CACNA1C: variants seen among roughly 807,000 people sequenced by gnomAD.
The protein encoded by CACNA1C is calcium voltage-gated channel subunit alpha1 C.
In CACNA1C, 30 loss-of-function variants were observed where a neutral mutation model predicts 229.0. That is an observed-to-expected ratio of 0.13 (90% CI 0.10 to 0.18). The LOEUF (loss-of-function observed/expected upper bound fraction) is 0.18, where lower values mean the gene tolerates loss of function less well. CACNA1C is among the 10% of genes least tolerant of loss of function. The probability of loss-of-function intolerance (pLI) is 1.00; values close to 1 mark genes in which losing one functional copy is unlikely to be tolerated. For missense variants in CACNA1C, 1,658 were observed against 2,845.0 expected (o/e 0.58, Z 9.49); for synonymous variants, 1,114 against 1,132.5 (o/e 0.98, Z 0.33).
intron 1 of CACNA1C, chr12:1,997,828 T>C (rs1014861982): frequency 6.4e-6 from 6 of 933,402 alleles, no homozygotes; most frequent in Non-Finnish European, 9.9e-6. Context: ...TTTAATTCTT[T>C]TACTTCTTTT....
chr12:2,269,898 T>C (rs2084088670), intron 3 of CACNA1C: 1 of 152,124 alleles, frequency 6.6e-6, no homozygotes, highest in Non-Finnish European at 1.5e-5. Flanking sequence ...GGAGAAACCA[T>C]AGTCATGGAA....
At chr12:2,317,700 A>T (rs1166391231) in intron 3 of CACNA1C, among the ~76,000 whole-genome samples, 1 of 152,246 alleles carries the variant, frequency 6.6e-6, no homozygotes, top group Non-Finnish European at 1.5e-5. Context: ...AAGGAACTCA[A>T]ATGAATACTT....
In CACNA1C at chr12:2,079,252, A is replaced by G. The variant is rs1035336128; in HGVS notation, c.49+25641A>G. 2.0e-4 allele frequency among the ~76,000 whole-genome samples: 30 copies of G among 152,194 alleles called. 1 individual carries two copies. Among genetic ancestry groups the G allele is most frequent in the Non-Finnish European group, 7.3e-5 (5 of 68,040 alleles). ...TATGTGACAAACCTGCACGTTGTGC[A>G]CATGTACCCTAAAACTTAAAATATA... On this transcript the variant is annotated intron_variant, in intron 1 of 46. Transcript: ENST00000399655.
chr12:2,323,365 T>C (rs1247555894), intron 3 of CACNA1C, among the ~76,000 whole-genome samples: 1 of 152,156 alleles, frequency 6.6e-6, no homozygotes, highest in African/African-American at 2.4e-5. Context: ...CTAGCCTAGA[T>C]ATGCTGGGGT....
chr12:2,597,386 G>A lies in CACNA1C; in HGVS notation c.2853+97G>A. 2.0e-6 allele frequency: 3 copies of A among 1,512,466 alleles called. No homozygotes were observed. The South Asian group carries it at 3.4e-5, about 17-fold the overall frequency. 93.7% of individuals were successfully genotyped at this position (1,512,466 alleles called of 1,614,324 possible). ...GCTAACACACATGCTCCTTCCTGTTGGTGTGGGGTTCACTCTCAGAGCCAC... is the reference window on the plus strand; with the variant it reads ...GCTAACACACATGCTCCTTCCTGTTAGTGTGGGGTTCACTCTCAGAGCCAC... On this transcript the variant is annotated intron_variant, in intron 21 of 46. Transcript: ENST00000399655. This position sits in a 1 kb window ranked among gnomAD's most constrained non-coding sequence, Gnocchi z 4.3.
intron 1 of CACNA1C, among the ~76,000 whole-genome samples, chr12:1,981,736 G>A (rs1472261390): frequency 1.3e-5 from 2 of 152,156 alleles, no homozygotes; most frequent in East Asian, 1.9e-4. Flanking sequence ...AGACATATAT[G>A]CTGCAGTGAG....
chr12:2,491,449 A>AAGG (rs1221672699), intron 6 of CACNA1C, among the ~76,000 whole-genome samples: 1 of 109,554 alleles, frequency 9.1e-6, no homozygotes. Flanking sequence ...GGAGGAGGAA[A>AAGG]AGGAGGAGGA....
chr12:2,625,074 C>A (rs1421001714), intron 29 of CACNA1C, among the ~76,000 whole-genome samples: 4 of 152,146 alleles, frequency 2.6e-5, no homozygotes, highest in Non-Finnish European at 4.4e-5. Context: ...CCCAGCTTTG[C>A]CAGGAGGACC....
intron 1 of CACNA1C, among the ~76,000 whole-genome samples, chr12:2,100,585 A>G (rs1177850694): frequency 9.5e-4 from 133 of 140,498 alleles, no homozygotes; most frequent in African/African-American, 3.3e-3. Context: ...TTTCTACCAA[A>G]AAAAAAAAAA....
rs2061758625 is a variant in CACNA1C, at chr12:2,584,678, C to T, written c.2339+61C>T. 5 of 1,117,450 alleles carry T rather than the reference C, an allele frequency of 4.5e-6. No homozygotes were observed. The East Asian group carries it at 1.2e-4, about 26-fold the overall frequency. The allele number at this position is 1,117,450 out of a possible 1,614,324, so 69.2% of individuals were successfully genotyped here. ...GGGCTCCCATTGTGGAATGTCTTCCCACTGGTGGCAGAGAGAGGCTTGACT... is the reference window on the plus strand; with the variant it reads ...GGGCTCCCATTGTGGAATGTCTTCCTACTGGTGGCAGAGAGAGGCTTGACT... On this transcript the variant is annotated intron_variant, in intron 16 of 46. Coordinates refer to ENST00000399655, the MANE Select transcript of CACNA1C (RefSeq NM_000719.7).
chr12:2,350,426 A>G (rs1198445606), intron 3 of CACNA1C, among the ~76,000 whole-genome samples: 1 of 152,240 alleles, frequency 6.6e-6, no homozygotes, highest in African/African-American at 2.4e-5. Context: ...GCCCAAGCAC[A>G]CACAAATAGT....
chr12:2,462,910 ATTTTT>A (rs147569410), intron 5 of CACNA1C, among the ~76,000 whole-genome samples: 1 of 120,948 alleles, frequency 8.3e-6, no homozygotes. Context: ...CAAAAGTTGC[ATTTTT>A]TTTTTTTTTT....
At chr12:2,604,119 T>C (rs2074148936) in intron 22 of CACNA1C, among the ~76,000 whole-genome samples, 1 of 152,176 alleles carries the variant, frequency 6.6e-6, no homozygotes, top group Non-Finnish European at 1.5e-5. Context: ...GGCCAGTTTT[T>C]ATACAGAAAA....
chr12:2,226,123 GCGCA>G (rs1326249634), intron 3 of CACNA1C, among the ~76,000 whole-genome samples: 6 of 92,900 alleles, frequency 6.5e-5, no homozygotes, highest in South Asian at 8.1e-4. Context: ...ATATGGGGAC[GCGCA>G]CACACACACA....
rs1351189321 is a variant in CACNA1C, at chr12:2,403,507, C to T, written c.478-45469C>T. ...CTCTGCAAGGCCCGGAGCTGCCATC[C>T]CAAGGCTGCTTTTCCTTTCCTTTCT... On this transcript the variant is annotated intron_variant, in intron 3 of 46. Coordinates refer to ENST00000399655, the MANE Select transcript of CACNA1C (RefSeq NM_000719.7). This position sits in a 1 kb window ranked among gnomAD's most constrained non-coding sequence, Gnocchi z 4.1. Among the ~76,000 whole-genome samples the T allele has an allele frequency of 6.6e-6, 1 of 152,176 alleles. No homozygotes were observed. Among genetic ancestry groups the T allele is most frequent in the Non-Finnish European group, 1.5e-5 (1 of 68,036 alleles).
intron 5 of CACNA1C, among the ~76,000 whole-genome samples, chr12:2,477,102 A>G (rs2099633839): frequency 6.6e-6 from 1 of 152,218 alleles, no homozygotes; most frequent in Non-Finnish European, 1.5e-5. Context: ...CTGTTACTTC[A>G]TCAGCCAAAT....
intron 6 of CACNA1C, among the ~76,000 whole-genome samples, chr12:2,490,895 A>G (rs1478576582): frequency 2.0e-5 from 3 of 152,196 alleles, no homozygotes; most frequent in Non-Finnish European, 4.4e-5. Context: ...ACCTTGATCA[A>G]CGAACACAGG....
rs938865157 is a variant in CACNA1C at position 2,585,987 on chromosome 12, A to T, written c.2530+83A>T. 2.2e-5 allele frequency: 16 copies of T among 734,320 alleles called. No homozygotes were observed. Among genetic ancestry groups the T allele is most frequent in the Non-Finnish European group, 3.3e-5 (15 of 448,348 alleles). The allele number at this position is 734,320 out of a possible 1,614,324, so 45.5% of individuals were successfully genotyped here. On this transcript the variant is annotated intron_variant, in intron 18 of 46. Transcript: ENST00000399655. This position sits in a 1 kb window ranked among gnomAD's most constrained non-coding sequence, Gnocchi z 4.1. ...TAAAGCCACGTGGGAGTGGCCATAT[A>T]TTAGGGACCATGGTTCCAGTGTCCC...
At chr12:2,475,038 G>T (rs572027957) in intron 5 of CACNA1C, among the ~76,000 whole-genome samples, 1 of 152,050 alleles carries the variant, frequency 6.6e-6, no homozygotes, top group Admixed American at 6.5e-5. Flanking sequence ...GGTGGCTCAC[G>T]CTTGTAATCC....
Sources: gnomAD v4.1 joint callset for allele counts (sites outside exome capture counted in the v4.1 genomes callset) on GRCh38, gnomAD v4.1.1 for gene constraint, Gnocchi (gnomAD v3.1) non-coding constraint, MANE v1.5 for transcripts, NCBI Gene and HGNC (gene_info 2026-07-23, HGNC 2026-07-21) for gene names.